Variants in PLCH2 observed in about 807,000 individuals in gnomAD.
The protein encoded by PLCH2 is phospholipase C eta 2.
PLCH2 carries 98 observed loss-of-function variants against 134.7 expected under a neutral mutation model. The ratio of observed to expected loss-of-function variants is 0.73; its 90% confidence interval spans 0.62 to 0.86. PLCH2 has a LOEUF of 0.86. Ranked by LOEUF, PLCH2 falls within the 40% of genes least tolerant of loss-of-function variation. The pLI is 0.00. For synonymous variants in PLCH2, 974 were observed against 827.5 expected, an observed-to-expected ratio of 1.18 and a Z score of -3.04; for missense variants, 1,994 against 1,986.6, an observed-to-expected ratio of 1.00 and a Z score of -0.07.
At chr1:2,484,424 G>GGGACCCA in intron 4 of PLCH2, 24 bp from the exon 5 acceptor site, 1 of 1,611,656 alleles carries the variant, frequency 6.2e-7, no homozygotes, top group East Asian at 2.2e-5. Context: ...GGTGCCAATG[G>GGGACCCA]GGACCCAAGG....
At chr1:2,464,115 C>T (rs550502572), upstream of PLCH2, among the ~76,000 whole-genome samples, 31 of 152,332 alleles carry the variant, frequency 2.0e-4, 1 homozygote, top group African/African-American at 7.2e-4. Context: ...GCCTCCCTGG[C>T]GGCACAGGGT....
At chr1:2,471,700 C>T (rs942178575), upstream of PLCH2, among the ~76,000 whole-genome samples, 5 of 152,144 alleles carry the variant, frequency 3.3e-5, no homozygotes, top group South Asian at 2.1e-4. Flanking sequence ...GTGGCGCGGC[C>T]GATGGAGTAT....
intron 11 of PLCH2, 147 bp from the exon 12 acceptor site, chr1:2,494,706 CCTG>C: frequency 1.5e-6 from 1 of 658,712 alleles, no homozygotes; most frequent in Non-Finnish European, 2.8e-6. Flanking sequence ...CTGTCCCCGC[CCTG>C]CCCTCCCCTC....
chr1:2,496,273 C>T (rs3762444), intron 13 of PLCH2, among the ~76,000 whole-genome samples: 54,615 of 152,036 alleles, frequency 0.36, 11,132 homozygotes, highest in East Asian at 0.48. Context: ...CTCCACATAG[C>T]GATTCTAGGC....
intron 20 of PLCH2, chr1:2,500,463 T>G (rs1257420935): frequency 6.6e-6 from 1 of 152,600 alleles, no homozygotes; most frequent in African/African-American, 2.4e-5. Flanking sequence ...GCCACTGCTG[T>G]GGCCGCCTCA....
intron 20 of PLCH2, chr1:2,501,851 G>A (rs149855515): frequency 4.4e-6 from 2 of 452,634 alleles, no homozygotes; most frequent in Non-Finnish European, 3.9e-6. Flanking sequence ...GGTCAGGCGA[G>A]GGCAGTTTCT....
chr1:2,473,661 A>G (rs1170342836), upstream of PLCH2, among the ~76,000 whole-genome samples: 1 of 152,256 alleles, frequency 6.6e-6, no homozygotes, highest in East Asian at 1.9e-4. Context: ...GTGTTGGATC[A>G]TGGCCTCACA....
chr1:2,505,032 A>G lies in PLCH2; in HGVS notation c.4070A>G (p.Gln1357Arg), dbSNP rs534997532. The change falls in exon 22 of 22, where the codon CAG (glutamine) becomes CGG (arginine). Residue 1357 changes from glutamine to arginine, a missense_variant. By Grantham distance (43) the Gln-to-Arg change is conservative. Transcript: ENST00000378486. Reference sequence around the variant, plus strand: ...ATTGCCAGCCGGGCCCGCCAGGCCCAGGAGCGGCAGCAGAGACTGCAGGGC... The same window carrying G: ...ATTGCCAGCCGGGCCCGCCAGGCCCGGGAGCGGCAGCAGAGACTGCAGGGC... Reference protein sequence around the residue: ...RAIASRARQAQERQQRLQGLG... With the variant: ...RAIASRARQARERQQRLQGLG... The G allele has an allele frequency of 7.3e-5, 113 of 1,543,912 alleles. No homozygotes were observed. Among genetic ancestry groups the G allele is most frequent in the East Asian group, 6.0e-4 (25 of 41,348 alleles).
rs1643494948 is a variant in PLCH2 at position 2,505,525 on chromosome 1, C to T, written c.*312C>T. The T allele has an allele frequency of 4.9e-6, 2 of 405,470 alleles. No homozygotes were observed. The highest frequency in any genetic ancestry group is 4.9e-5 in the East Asian group (1 of 20,342). 25.1% of individuals were successfully genotyped at this position (405,470 alleles called of 1,614,324 possible). On this transcript the variant is annotated 3_prime_UTR_variant, in exon 22 of 22. Transcript: ENST00000378486. ...TACAACATTAAAATGATACCAAGTC[C>T]CTTTCCATTTTTACCTGGTTTTTCA...
upstream of PLCH2, among the ~76,000 whole-genome samples, chr1:2,466,391 G>A (rs1045907881): frequency 5.3e-5 from 8 of 152,242 alleles, no homozygotes; most frequent in Non-Finnish European, 8.8e-5. Context: ...AAGGCAGGAG[G>A]CAGCTCCTTT....
chr1:2,454,971 G>C (rs886762263), intron 2 of PLCH2, among the ~76,000 whole-genome samples: 3 of 152,242 alleles, frequency 2.0e-5, no homozygotes, highest in African/African-American at 7.2e-5. Context: ...CCCTGCCTGG[G>C]GGCAGCCAGG....
At chr1:2,503,857 C>CCTGCCTCCCTCT in intron 21 of PLCH2, 65 bp from the exon 22 acceptor site, 1 of 657,830 alleles carries the variant, frequency 1.5e-6, no homozygotes, top group South Asian at 1.7e-5. Flanking sequence ...CGCCTCTCTC[C>CCTGCCTCCCTCT]CTGCCTCCCT....
At chr1:2,428,607 C>T in intron 1 of PLCH2, among the ~76,000 whole-genome samples, 1 of 152,276 alleles carries the variant, frequency 6.6e-6, no homozygotes, top group East Asian at 1.9e-4. Flanking sequence ...TTAGGTTGGA[C>T]TGTGCCAGCC....
intron 1 of PLCH2, among the ~76,000 whole-genome samples, chr1:2,468,708 C>T (rs1021766214): frequency 3.9e-5 from 6 of 152,220 alleles, no homozygotes; most frequent in African/African-American, 1.4e-4. Context: ...TTGTTCTGCC[C>T]TGTGATTGGC....
chr1:2,418,685 G>T, the PLCH2 span, among the ~76,000 whole-genome samples: 2 of 152,234 alleles, frequency 1.3e-5, no homozygotes, highest in Non-Finnish European at 1.5e-5. Context: ...CAGGGGTGCC[G>T]TCCTGGACTC....
rs72644623 is a variant in PLCH2, at chr1:2,447,623, A to G, written c.115+16994A>G. 8.8e-3 allele frequency among the ~76,000 whole-genome samples: 1,338 copies of G among 152,246 alleles called. 10 individuals carry two copies. The highest frequency in any genetic ancestry group is 0.012 in the East Asian group (64 of 5,164). ...ACCCTGGAGAGACTGGAAGGCAGGA[A>G]AGGCTTGGGGGTGGGGGCAAGTTGC... On this transcript the variant is annotated intron_variant, in intron 2 of 3. Transcript: ENST00000609981.
chr1:2,453,552 G>T (rs1046028580), intron 2 of PLCH2, among the ~76,000 whole-genome samples: 1 of 152,172 alleles, frequency 6.6e-6, no homozygotes, highest in Non-Finnish European at 1.5e-5. Flanking sequence ...TCCAGGGCCA[G>T]TGTCTTCACA....
At position 2,477,946 on chromosome 1, in the gene PLCH2, G is replaced by C. The variant is rs188719372; in HGVS notation, c.125-530G>C. On this transcript the variant is annotated intron_variant, in intron 1 of 21. Coordinates refer to ENST00000378486, the MANE Select transcript of PLCH2 (RefSeq NM_014638.4). Reference sequence around the variant, plus strand: ...GCCAGGGGCGGGGGCAGGGGCATGGGGTTGCTGCCTGCTAGGCCCACCCCG... The same window carrying C: ...GCCAGGGGCGGGGGCAGGGGCATGGCGTTGCTGCCTGCTAGGCCCACCCCG... 4.8e-3 allele frequency among the ~76,000 whole-genome samples: 727 copies of C among 152,302 alleles called. 4 individuals are homozygous for C. Among genetic ancestry groups the C allele is most frequent in the African/African-American group, 0.017 (691 of 41,566 alleles).
intron 1 of PLCH2, among the ~76,000 whole-genome samples, chr1:2,426,239 C>T (rs1638792099): frequency 6.6e-6 from 1 of 152,364 alleles, no homozygotes; most frequent in Admixed American, 6.5e-5. Context: ...CAGCTTAGAC[C>T]TTGCAGGCTC....
Sources: gnomAD v4.1 joint callset for allele counts (sites outside exome capture counted in the v4.1 genomes callset) on GRCh38, gnomAD v4.1.1 for gene constraint, MANE v1.5 for transcripts, NCBI Gene and HGNC (gene_info 2026-07-23, HGNC 2026-07-21) for gene names.